PCDHGB3: variants seen among roughly 807,000 people sequenced by gnomAD.
PCDHGB3 encodes the protein protocadherin gamma subfamily B, 3.
A neutral mutation model predicts 59.2 loss-of-function variants in PCDHGB3; 40 were observed. The observed-to-expected ratio is 0.68, with a 90% CI of 0.52 to 0.88. PCDHGB3 has a LOEUF of 0.88. Ranked by LOEUF, PCDHGB3 falls within the 40% of genes least tolerant of loss-of-function variation. The pLI, the probability that PCDHGB3 is intolerant of heterozygous loss-of-function variation, is 0.00. For synonymous variants in PCDHGB3, 581 were observed against 503.6 expected (o/e 1.15, Z -2.06); for missense variants, 1,309 against 1,187.9 (o/e 1.10, Z -1.50).
At chr5:141,474,912 C>T (rs1018411233) in intron 1 of PCDHGB3, among the ~76,000 whole-genome samples, 6 of 152,214 alleles carry the variant, frequency 3.9e-5, no homozygotes, top group African/African-American at 1.2e-4. Flanking sequence ...CAAGGATATA[C>T]ATCTCATCTC....
chr5:141,463,373 GTCTGAAAGTT>G (rs1463437299), intron 1 of PCDHGB3, among the ~76,000 whole-genome samples: 1 of 147,058 alleles, frequency 6.8e-6, no homozygotes, highest in Non-Finnish European at 1.5e-5. Context: ...CTGCCCCACA[GTCTGAAAGTT>G]GTCTCCAGGC....
chr5:141,370,272 A>G lies in PCDHGB3; in HGVS notation c.-123A>G. ...CTCTATCAGGCTTCCTGCAGCGGAG[A>G]CACCCATTAGAGAACCCAAGCACAA... On this transcript the variant is annotated 5_prime_UTR_variant, in exon 1 of 4. Transcript: ENST00000576222. 1 of 794,346 alleles carries G rather than the reference A, an allele frequency of 1.3e-6. No homozygotes were observed. Among genetic ancestry groups the G allele is most frequent in the Non-Finnish European group, 1.9e-6 (1 of 515,554 alleles). 49.2% of individuals were successfully genotyped at this position (794,346 alleles called of 1,614,324 possible).
At chr5:141,427,812 G>C (rs1380721111) in intron 1 of PCDHGB3, 1 of 1,524,406 alleles carries the variant, frequency 6.6e-7, no homozygotes, top group Non-Finnish European at 9.0e-7. Flanking sequence ...CGCACAGAGC[G>C]GGGTGGTGGT....
Position 141,477,983 on chromosome 5 carries a change from C to T in PCDHGB3, c.2416-16824C>T. 1 of 1,614,126 alleles carries T rather than the reference C, an allele frequency of 6.2e-7. No individual in the cohort carries two copies. Among genetic ancestry groups the T allele is most frequent in the Non-Finnish European group, 8.5e-7 (1 of 1,180,024 alleles). ...TAACCAGAGCCTTTTTGCCATAGGGCTGCACACTGGTCAAATCAGTACTGC... is the reference window on the plus strand; with the variant it reads ...TAACCAGAGCCTTTTTGCCATAGGGTTGCACACTGGTCAAATCAGTACTGC... On this transcript the variant is annotated intron_variant, in intron 1 of 3. Coordinates refer to ENST00000576222, the MANE Select transcript of PCDHGB3 (RefSeq NM_018924.5). The surrounding 1 kb of genome is among the most constrained non-coding windows in gnomAD (Gnocchi z 4.9).
chr5:141,474,417 C>A (rs1321402346), intron 1 of PCDHGB3, among the ~76,000 whole-genome samples: 1 of 152,222 alleles, frequency 6.6e-6, no homozygotes, highest in African/African-American at 2.4e-5. Context: ...GATGCCTAGA[C>A]CATTGGTCCT....
chr5:141,496,888 T>TA (rs35063790), intron 2 of PCDHGB3, among the ~76,000 whole-genome samples: 34,968 of 133,936 alleles, frequency 0.26, 4,377 homozygotes, highest in Admixed American at 0.34. Flanking sequence ...AAGTAACACT[T>TA]AAAAAAAAAA....
rs367926929 is a variant in PCDHGB3 at position 141,372,227 on chromosome 5, C to G, written c.1833C>G (p.Ala611=). 4.8e-4 allele frequency: 778 copies of G among 1,613,442 alleles called. 3 individuals are homozygous for G. The African/African-American group carries it at 9.4e-3, about 19-fold the overall frequency. The change falls in exon 1 of 4, where the codon GCC becomes GCG. Residue 611 remains alanine (A), a synonymous_variant. Coordinates refer to ENST00000576222, the MANE Select transcript of PCDHGB3 (RefSeq NM_018924.5). ...GGCTGTCCTACCACATTGTGCAGGC[C>G]AGCGAGCCCGGGCTGTTCAGCCTGG... ...NAWLSYHIVQ[A]SEPGLFSLGL...
chr5:141,427,606 G>A (rs965315804), intron 1 of PCDHGB3: 2 of 688,192 alleles, frequency 2.9e-6, no homozygotes, highest in African/African-American at 3.5e-5. Flanking sequence ...CTACGCATTG[G>A]TGAAGTCAAC....
At position 141,431,735 on chromosome 5, in the gene PCDHGB3, G is replaced by A. The variant is rs2097411908; in HGVS notation, c.2415+58926G>A. 1.2e-6 allele frequency: 2 copies of A among 1,614,118 alleles called. No homozygotes were observed. Among genetic ancestry groups the A allele is most frequent in the Non-Finnish European group, 1.7e-6 (2 of 1,180,056 alleles). On this transcript the variant is annotated intron_variant, in intron 1 of 3. Transcript: ENST00000576222. The surrounding 1 kb of genome is among the most constrained non-coding windows in gnomAD (Gnocchi z 4.8). ...GGAAGTGCAAGCAATGGATAATGCAGGATATTCTGCGCGAGCCAAAGTCCT... is the reference window on the plus strand; with the variant it reads ...GGAAGTGCAAGCAATGGATAATGCAAGATATTCTGCGCGAGCCAAAGTCCT...
intron 1 of PCDHGB3, among the ~76,000 whole-genome samples, chr5:141,463,124 T>C (rs2099053100): frequency 6.6e-6 from 1 of 152,174 alleles, no homozygotes; most frequent in African/African-American, 2.4e-5. Context: ...AATAGCTCCC[T>C]GGCAGTTCTT....
intron 1 of PCDHGB3, chr5:141,383,390 C>A: frequency 6.2e-7 from 1 of 1,614,006 alleles, no homozygotes; most frequent in South Asian, 1.1e-5. Flanking sequence ...GATGTGGGCA[C>A]GAACTCCCTC....
intron 1 of PCDHGB3, chr5:141,375,494 A>G (rs531964516): frequency 6.2e-7 from 1 of 1,613,834 alleles, no homozygotes; most frequent in Non-Finnish European, 8.5e-7. Flanking sequence ...GGGTGCCTCC[A>G]TCTTCTCTGT....
intron 1 of PCDHGB3, chr5:141,409,483 G>C: frequency 6.2e-7 from 1 of 1,613,944 alleles, no homozygotes; most frequent in Non-Finnish European, 8.5e-7. Context: ...CCACTGACAG[G>C]GGCAAGCCGC....
intron 1 of PCDHGB3, chr5:141,394,883 A>G (rs370442493): frequency 1.2e-6 from 2 of 1,611,604 alleles, no homozygotes; most frequent in African/African-American, 2.7e-5. Context: ...CGAGCCTTAC[A>G]CTCTATCTCG....
intron 1 of PCDHGB3, among the ~76,000 whole-genome samples, chr5:141,460,183 CCA>C (rs561755067): frequency 7.2e-5 from 11 of 151,782 alleles, no homozygotes; most frequent in Non-Finnish European, 1.0e-4. Context: ...ATATTTTATC[CCA>C]GACTATGACT....
chr5:141,420,769 C>T (rs2096524721), intron 1 of PCDHGB3, among the ~76,000 whole-genome samples: 1 of 152,212 alleles, frequency 6.6e-6, no homozygotes, highest in Admixed American at 6.5e-5. Flanking sequence ...AAGTTTTCAG[C>T]TCCAGTAATA....
chr5:141,501,066 A>G (rs2099805322), intron 2 of PCDHGB3, among the ~76,000 whole-genome samples: 1 of 151,976 alleles, frequency 6.6e-6, no homozygotes, highest in South Asian at 2.1e-4. Flanking sequence ...ACGGGGTTTC[A>G]CCATGTTGAC....
chr5:141,389,249 T>A, intron 1 of PCDHGB3: 1 of 1,614,064 alleles, frequency 6.2e-7, no homozygotes, highest in Non-Finnish European at 8.5e-7. Flanking sequence ...AGTCTTCCTA[T>A]ATAGTCCACG....
chr5:141,489,069 C>G lies in PCDHGB3; in HGVS notation c.2416-5738C>G. ...TCAAATTCAGCTCCCCTCCCCCCTGCCCACCCCCGCCACTCGGTGACTAAG... is the reference window on the plus strand; with the variant it reads ...TCAAATTCAGCTCCCCTCCCCCCTGGCCACCCCCGCCACTCGGTGACTAAG... On this transcript the variant is annotated intron_variant, in intron 1 of 3. Coordinates refer to ENST00000576222, the MANE Select transcript of PCDHGB3 (RefSeq NM_018924.5). The surrounding 1 kb of genome is among the most constrained non-coding windows in gnomAD (Gnocchi z 4.5). 6.4e-5 allele frequency: 18 copies of G among 281,056 alleles called. No homozygotes were observed. Among genetic ancestry groups the G allele is most frequent in the Middle Eastern group, 1.1e-3 (1 of 944 alleles). 17.4% of individuals were successfully genotyped at this position (281,056 alleles called of 1,614,324 possible).
Sources: allele counts gnomAD v4.1 joint callset (sites outside exome capture counted in the v4.1 genomes callset), GRCh38; gene constraint gnomAD v4.1.1; non-coding constraint Gnocchi (gnomAD v3.1); transcripts MANE v1.5; gene names NCBI Gene and HGNC (gene_info 2026-07-23, HGNC 2026-07-21).